RBFOX1: variants seen among roughly 807,000 people sequenced by gnomAD.
RBFOX1 encodes the protein RNA binding protein fox-1 homolog 1.
A neutral mutation model predicts 57.7 loss-of-function variants in RBFOX1; 8 were observed. That is an observed-to-expected ratio of 0.14 (90% confidence interval 0.08 to 0.25). The LOEUF (loss-of-function observed/expected upper bound fraction) is 0.25. Ranked by LOEUF, RBFOX1 falls within the 10% of genes least tolerant of loss-of-function variation. The probability of loss-of-function intolerance (pLI) is 1.00; values close to 1 mark genes in which losing one functional copy is unlikely to be tolerated. For synonymous variants in RBFOX1, 326 were observed against 222.4 expected (o/e 1.47, Z -4.15); for missense variants, 611 against 548.5 (o/e 1.11, Z -1.14).
intron 10 of RBFOX1, among the ~76,000 whole-genome samples, chr16:7,622,900 G>A (rs2059528919): frequency 1.3e-5 from 2 of 152,170 alleles, no homozygotes; most frequent in African/African-American, 2.4e-5. Flanking sequence ...GGGATTAACT[G>A]TGAAAATATT....
At chr16:5,565,624 T>TTACG (rs1555466579) in intron 2 of RBFOX1, among the ~76,000 whole-genome samples, 4 of 111,662 alleles carry the variant, frequency 3.6e-5, no homozygotes, top group Non-Finnish European at 7.2e-5. Context: ...AAACTCTGCC[T>TTACG]TACATAAATA....
intron 1 of RBFOX1, among the ~76,000 whole-genome samples, chr16:5,363,371 G>T (rs1454958848): frequency 6.6e-6 from 1 of 152,136 alleles, no homozygotes; most frequent in East Asian, 1.9e-4. Flanking sequence ...TTGGAAGTGG[G>T]ATTGCAGATC....
chr16:5,902,909 C>T (rs1160352933), intron 4 of RBFOX1, among the ~76,000 whole-genome samples: 1 of 152,082 alleles, frequency 6.6e-6, no homozygotes, highest in Non-Finnish European at 1.5e-5. Flanking sequence ...CACTTTGACG[C>T]GTATCGAAGT....
At chr16:6,225,417 T>C (rs1387251150) in intron 1 of RBFOX1, among the ~76,000 whole-genome samples, 1 of 152,166 alleles carries the variant, frequency 6.6e-6, no homozygotes, top group Non-Finnish European at 1.5e-5. Context: ...CAAGGATTAA[T>C]TGAATCAAGA....
intron 2 of RBFOX1, among the ~76,000 whole-genome samples, chr16:6,499,676 C>G (rs1234878865): frequency 6.6e-6 from 1 of 151,956 alleles, no homozygotes; most frequent in Non-Finnish European, 1.5e-5. Context: ...AACATCACTT[C>G]AGTGACCCCA....
At chr16:7,057,721 A>G (rs570702796) in intron 4 of RBFOX1, among the ~76,000 whole-genome samples, 2 of 152,240 alleles carry the variant, frequency 1.3e-5, no homozygotes, top group South Asian at 2.1e-4. Context: ...AAATAACACC[A>G]TAGATGCCGG....
At chr16:5,829,685 CA>C (rs970176276) in intron 3 of RBFOX1, among the ~76,000 whole-genome samples, 19 of 151,800 alleles carry the variant, frequency 1.3e-4, no homozygotes, top group Admixed American at 7.2e-4. Context: ...GGCATTGACG[CA>C]AGAGAACAAA....
intron 4 of RBFOX1, among the ~76,000 whole-genome samples, chr16:7,184,730 T>G (rs1489636973): frequency 6.6e-6 from 1 of 152,250 alleles, no homozygotes; most frequent in African/African-American, 2.4e-5. Context: ...TTTGGGGCAA[T>G]GTGGAGTTAC....
intron 2 of RBFOX1, among the ~76,000 whole-genome samples, chr16:6,587,216 C>T (rs1215132517): frequency 6.6e-6 from 1 of 152,148 alleles, no homozygotes; most frequent in Admixed American, 6.5e-5. Flanking sequence ...CCATTCTGTT[C>T]TCTGCATTTA....
intron 4 of RBFOX1, among the ~76,000 whole-genome samples, chr16:7,350,089 G>T (rs919078541): frequency 1.1e-4 from 16 of 152,176 alleles, no homozygotes; most frequent in African/African-American, 3.9e-4. Flanking sequence ...AGAGGTTGCA[G>T]TGAGCCGAGA....
intron 4 of RBFOX1, among the ~76,000 whole-genome samples, chr16:7,253,335 C>T (rs550525695): frequency 6.6e-4 from 100 of 152,238 alleles, no homozygotes; most frequent in Admixed American, 1.2e-3. Flanking sequence ...CAAGGAAGAG[C>T]GGAGACATGT....
chr16:5,394,784 C>A (rs745766048), intron 1 of RBFOX1, among the ~76,000 whole-genome samples: 1 of 152,098 alleles, frequency 6.6e-6, no homozygotes, highest in Non-Finnish European at 1.5e-5. Context: ...CCCGGTCTCA[C>A]GCAGTCTGCC....
intron 3 of RBFOX1, among the ~76,000 whole-genome samples, chr16:6,900,631 T>C (rs1057314484): frequency 6.6e-6 from 1 of 152,202 alleles, no homozygotes; most frequent in Non-Finnish European, 1.5e-5. Context: ...CTATTCCCTC[T>C]GCCTGGAATT....
At chr16:6,712,152 G>C (rs1420966101) in intron 3 of RBFOX1, among the ~76,000 whole-genome samples, 5 of 152,176 alleles carry the variant, frequency 3.3e-5, no homozygotes, top group Non-Finnish European at 5.9e-5. Context: ...ATGGAATGTA[G>C]AGGTGCTCAA....
intron 2 of RBFOX1, among the ~76,000 whole-genome samples, chr16:6,530,669 G>A (rs2153817147): frequency 6.6e-6 from 1 of 152,238 alleles, no homozygotes; most frequent in East Asian, 1.9e-4. Flanking sequence ...ATGGTGGAAG[G>A]AGGAGCAAGT....
At chr16:6,767,415 C>G (rs1470668390) in intron 3 of RBFOX1, among the ~76,000 whole-genome samples, 3 of 152,216 alleles carry the variant, frequency 2.0e-5, no homozygotes, top group Non-Finnish European at 2.9e-5. Context: ...TTCCAATTCT[C>G]TGAATGTAGC....
intron 4 of RBFOX1, among the ~76,000 whole-genome samples, chr16:7,211,902 G>C (rs928042696): frequency 1.3e-5 from 2 of 152,088 alleles, no homozygotes; most frequent in Admixed American, 1.3e-4. Flanking sequence ...GTGCTGGTCG[G>C]GGGAAGCCAG....
chr16:7,333,710 T>C (rs2096733574), intron 4 of RBFOX1, among the ~76,000 whole-genome samples: 1 of 152,126 alleles, frequency 6.6e-6, no homozygotes, highest in African/African-American at 2.4e-5. Flanking sequence ...TGGTTTTACT[T>C]TGAAGTCTTT....
intron 4 of RBFOX1, among the ~76,000 whole-genome samples, chr16:7,301,957 G>A (rs1158745358): frequency 1.3e-5 from 2 of 152,138 alleles, no homozygotes; most frequent in African/African-American, 2.4e-5. Context: ...AGAAAAGAGG[G>A]AATTCTTATA....
Sources: allele counts gnomAD v4.1 joint callset (sites outside exome capture counted in the v4.1 genomes callset), GRCh38; gene constraint gnomAD v4.1.1; transcripts MANE v1.5; gene names NCBI Gene and HGNC (gene_info 2026-07-23, HGNC 2026-07-21).